The following ZFHX3 variants were observed in gnomAD, a reference collection of about 807,000 sequenced individuals.
ZFHX3 encodes zinc finger homeobox protein 3.
In ZFHX3, 42 loss-of-function variants were observed where a neutral mutation model predicts 279.1. The ratio of observed to expected loss-of-function variants is 0.15; its 90% CI spans 0.12 to 0.19. ZFHX3 has a LOEUF of 0.19. Among genes scored for constraint, ZFHX3 ranks in the 10% least tolerant of loss-of-function variants. ZFHX3 has a pLI of 1.00. For missense variants in ZFHX3, 4,981 were observed against 4,754.0 expected (o/e 1.05, Z -1.40); for synonymous variants, 2,293 against 1,957.8 (o/e 1.17, Z -4.52).
intron 3 of ZFHX3, among the ~76,000 whole-genome samples, chr16:73,431,823 G>A (rs1407501283): frequency 3.9e-5 from 6 of 152,112 alleles, no homozygotes; most frequent in Admixed American, 6.6e-5. Context: ...GGAGGCAGGC[G>A]ATGGCCTTCA....
chr16:73,526,411 G>A (rs1351319957), intron 2 of ZFHX3, among the ~76,000 whole-genome samples: 4 of 152,140 alleles, frequency 2.6e-5, no homozygotes, highest in Non-Finnish European at 4.4e-5. Context: ...CTGTGACCTC[G>A]CCACCCCCAC....
chr16:72,902,512 G>C (rs2039064383), intron 3 of ZFHX3, among the ~76,000 whole-genome samples: 1 of 152,238 alleles, frequency 6.6e-6, no homozygotes, highest in South Asian at 2.1e-4. Flanking sequence ...CAAGCAGCAA[G>C]GCACCCGTCC....
chr16:73,840,781 G>C (rs1961282823), intron 1 of ZFHX3, among the ~76,000 whole-genome samples: 1 of 152,128 alleles, frequency 6.6e-6, no homozygotes, highest in Non-Finnish European at 1.5e-5. Flanking sequence ...GTAAGCCCAT[G>C]ACAATATTTT....
chr16:73,621,109 G>A (rs1008183574), intron 2 of ZFHX3, among the ~76,000 whole-genome samples: 4 of 152,188 alleles, frequency 2.6e-5, no homozygotes, highest in African/African-American at 4.8e-5. Context: ...AAGAGGTCTT[G>A]GGGAGGAAGT....
chr16:72,843,657 G>A (rs2037406163), intron 4 of ZFHX3, among the ~76,000 whole-genome samples: 1 of 151,830 alleles, frequency 6.6e-6, no homozygotes. Context: ...GAAGCCATGG[G>A]CAGTGTGGGC....
intron 8 of ZFHX3, among the ~76,000 whole-genome samples, chr16:73,091,726 C>T (rs556144680): frequency 2.0e-5 from 3 of 152,270 alleles, no homozygotes; most frequent in African/African-American, 7.2e-5. Context: ...TTCAGAAATT[C>T]GCAAAATATA....
At chr16:73,310,829 C>T in intron 4 of ZFHX3, among the ~76,000 whole-genome samples, 1 of 151,940 alleles carries the variant, frequency 6.6e-6, no homozygotes, top group Non-Finnish European at 1.5e-5. Context: ...TCAATTATAA[C>T]TTGATATAGG....
At chr16:73,289,247 G>A (rs1033169158) in intron 4 of ZFHX3, among the ~76,000 whole-genome samples, 2 of 151,782 alleles carry the variant, frequency 1.3e-5, no homozygotes, top group African/African-American at 2.4e-5. Flanking sequence ...AGGGGAAATC[G>A]AGCGTGTGGT....
chr16:72,848,907 TCAGG>T (rs1421062278), intron 4 of ZFHX3, among the ~76,000 whole-genome samples: 3 of 82,374 alleles, frequency 3.6e-5, no homozygotes, highest in African/African-American at 1.5e-4. Flanking sequence ...CCCAGAAATC[TCAGG>T]CAGGCAGGCA....
In ZFHX3 at chr16:72,787,210, T is replaced by C. The variant is rs753788588; in HGVS notation, c.11066A>G (p.Lys3689Arg). ...TCCTACACTGGTCAGACCACTGTCC[T>C]TGGGGCAGCTGGGGTCTTTGGGACC... ...VEGPKDPSCPKDSGLTSVGTD... is the reference protein window; with the variant it reads ...VEGPKDPSCPRDSGLTSVGTD... The change falls in exon 10 of 10, where the codon AAG (lysine) becomes AGG (arginine). Residue 3689 changes from lysine to arginine, a missense_variant. Lys to Arg is a conservative substitution (Grantham distance 26). Around this residue, in one of 7 missense-constraint regions of ZFHX3, gnomAD observed 1,034 missense variants for 786.0 expected, o/e 1.32. Transcript: ENST00000268489. The C allele has an allele frequency of 4.3e-6, 7 of 1,613,866 alleles. No individual in the cohort carries two copies. In the African/African-American group the frequency reaches 6.7e-5, roughly 15 times the overall value.
chr16:73,145,496 A>G (rs1171665669), intron 5 of ZFHX3, among the ~76,000 whole-genome samples: 1 of 152,184 alleles, frequency 6.6e-6, no homozygotes, highest in Admixed American at 6.5e-5. Context: ...CCAGTCTCAG[A>G]GGTGATGGAA....
chr16:73,722,171 A>G (rs931178744), intron 1 of ZFHX3, among the ~76,000 whole-genome samples: 3 of 152,224 alleles, frequency 2.0e-5, no homozygotes, highest in African/African-American at 7.2e-5. Context: ...CAAAATGAAC[A>G]AGGTCCCTGC....
chr16:73,385,280 A>C (rs2016879143), intron 3 of ZFHX3, among the ~76,000 whole-genome samples: 1 of 152,172 alleles, frequency 6.6e-6, no homozygotes. Flanking sequence ...TTGAAAAAAA[A>C]ATTCAGATAG....
chr16:72,838,858 G>A (rs1318114474), intron 4 of ZFHX3, among the ~76,000 whole-genome samples: 1 of 151,986 alleles, frequency 6.6e-6, no homozygotes, highest in Non-Finnish European at 1.5e-5. Context: ...ACAACGGAAC[G>A]AAATATGTCG....
intron 1 of ZFHX3, among the ~76,000 whole-genome samples, chr16:73,713,812 T>G (rs932308016): frequency 4.6e-5 from 7 of 152,138 alleles, no homozygotes; most frequent in African/African-American, 1.7e-4. Context: ...GCTACAAACT[T>G]ATTGATTTTA....
chr16:73,025,689 C>T (rs1484676846), intron 1 of ZFHX3, among the ~76,000 whole-genome samples: 1 of 152,090 alleles, frequency 6.6e-6, no homozygotes, highest in Non-Finnish European at 1.5e-5. Flanking sequence ...CATGAACATC[C>T]CAGCCAGAGT....
At chr16:73,662,473 C>A (rs986567177) in intron 2 of ZFHX3, among the ~76,000 whole-genome samples, 1 of 116,930 alleles carries the variant, frequency 8.6e-6, no homozygotes, top group African/African-American at 2.7e-5. Context: ...AAAACACTTT[C>A]GATTTTTCTT....
chr16:73,583,447 A>G (rs1056749723), intron 2 of ZFHX3, among the ~76,000 whole-genome samples: 5 of 152,330 alleles, frequency 3.3e-5, no homozygotes, highest in Admixed American at 2.0e-4. Flanking sequence ...CCCCAGAGAT[A>G]CCAGTTTTAA....
intron 5 of ZFHX3, among the ~76,000 whole-genome samples, chr16:73,212,944 C>T (rs144530112): frequency 4.2e-4 from 64 of 152,256 alleles, no homozygotes; most frequent in Admixed American, 7.8e-4. Context: ...AAAGTGCATG[C>T]GTGTAAACCC....
Sources: gnomAD v4.1 joint callset for allele counts (sites outside exome capture counted in the v4.1 genomes callset) on GRCh38, gnomAD v4.1.1 for gene constraint, gnomAD v4.1.1 regional missense constraint, MANE v1.5 for transcripts, NCBI Gene and HGNC (gene_info 2026-07-23, HGNC 2026-07-21) for gene names.